The following FNIP1 variants were observed in gnomAD, a reference collection of about 807,000 sequenced individuals.
FNIP1 encodes the protein folliculin interacting protein 1.
FNIP1 carries 40 observed loss-of-function variants against 124.5 expected under a neutral mutation model. The observed-to-expected ratio is 0.32, with a 90% confidence interval of 0.25 to 0.42. The LOEUF is 0.42. Among genes scored for constraint, FNIP1 ranks in the 10% least tolerant of loss-of-function variants. The pLI, the probability that FNIP1 is intolerant of heterozygous loss-of-function variation, is 1.00. For synonymous variants in FNIP1, 472 were observed against 470.6 expected (o/e 1.00, Z -0.04); for missense variants, 1,176 against 1,403.7 (o/e 0.84, Z 2.59).
Position 131,699,150 on chromosome 5 carries a change from T to C in FNIP1, c.1117-148A>G, listed in dbSNP as rs1768804579. On this transcript the variant is annotated intron_variant, in intron 10 of 17. Transcript: ENST00000510461. ...GAAATAAAGAAAGTAAATGCATTTA[T>C]TGTGGCTTTTTCTTCTACACATTTG... 7.4e-6 allele frequency: 4 copies of C among 538,094 alleles called. No individual in the cohort carries two copies. The East Asian group carries it at 1.4e-4, about 19-fold the overall frequency. 33.3% of individuals were successfully genotyped at this position (538,094 alleles called of 1,614,324 possible).
chr5:131,777,013 C>T (rs1771831981), intron 1 of FNIP1, among the ~76,000 whole-genome samples: 1 of 152,052 alleles, frequency 6.6e-6, no homozygotes, highest in South Asian at 2.1e-4. Flanking sequence ...GGGAGGATCG[C>T]TTGAGCTGAG....
chr5:131,698,800 C>T, intron 11 of FNIP1, 117 bp downstream of exon 11: 1 of 765,186 alleles, frequency 1.3e-6, no homozygotes, highest in Non-Finnish European at 2.0e-6. Flanking sequence ...CTGAATTACA[C>T]CATCATATGA....
chr5:131,740,020 A>G (rs1349239304), intron 2 of FNIP1, among the ~76,000 whole-genome samples: 2 of 152,124 alleles, frequency 1.3e-5, no homozygotes, highest in Non-Finnish European at 2.9e-5. Context: ...AATAAGGATA[A>G]CATTGTTTCT....
intron 2 of FNIP1, among the ~76,000 whole-genome samples, chr5:131,741,299 T>A (rs1427110939): frequency 6.6e-6 from 1 of 152,044 alleles, no homozygotes; most frequent in Non-Finnish European, 1.5e-5. Context: ...ATATAACAGA[T>A]CTGAAAAAAT....
At chr5:131,664,590 G>A (rs929242838) in intron 15 of FNIP1, among the ~76,000 whole-genome samples, 4 of 142,692 alleles carry the variant, frequency 2.8e-5, no homozygotes, top group Admixed American at 7.3e-5. Flanking sequence ...AGCCATGTTC[G>A]TGCCACTGCA....
chr5:131,762,367 C>G (rs1224721913), intron 1 of FNIP1, among the ~76,000 whole-genome samples: 3 of 152,072 alleles, frequency 2.0e-5, no homozygotes, highest in African/African-American at 4.8e-5. Flanking sequence ...GGATTAACAA[C>G]CAGAATGTAT....
Position 131,789,866 on chromosome 5 carries a change from A to G in FNIP1, c.92+6964T>C, listed in dbSNP as rs1049988695. On this transcript the variant is annotated intron_variant, in intron 1 of 17. Coordinates refer to ENST00000510461, the MANE Select transcript of FNIP1 (RefSeq NM_133372.3). ...AGCCCTCCGTCCTTTCCACTTCTCT[A>G]TCTACACCCTTTTCCTAGATGATCT... Among the ~76,000 whole-genome samples, 9 of 152,304 alleles carry G rather than the reference A, an allele frequency of 5.9e-5. No homozygotes were observed. In the East Asian group the frequency reaches 1.2e-3, roughly 20 times the overall value.
chr5:131,686,218 C>T (rs1389338263), intron 11 of FNIP1, among the ~76,000 whole-genome samples: 1 of 152,202 alleles, frequency 6.6e-6, no homozygotes, highest in Non-Finnish European at 1.5e-5. Flanking sequence ...TACAAAACTG[C>T]TCTCAAATGC....
At chr5:131,724,926 C>T (rs548079654) in intron 3 of FNIP1, among the ~76,000 whole-genome samples, 2 of 152,260 alleles carry the variant, frequency 1.3e-5, no homozygotes, top group South Asian at 4.1e-4. Flanking sequence ...TATGGCTAGC[C>T]AGTTTTCCCA....
chr5:131,769,638 G>A (rs1771559305), intron 1 of FNIP1, among the ~76,000 whole-genome samples: 1 of 152,162 alleles, frequency 6.6e-6, no homozygotes, highest in South Asian at 2.1e-4. Context: ...AATGCAAAAA[G>A]GCTTAATCCC....
At chr5:131,736,528 A>C (rs1770310796) in intron 2 of FNIP1, among the ~76,000 whole-genome samples, 1 of 152,222 alleles carries the variant, frequency 6.6e-6, no homozygotes, top group African/African-American at 2.4e-5. Context: ...GCCTGTTAGG[A>C]ACCAGGCCAC....
intron 1 of FNIP1, among the ~76,000 whole-genome samples, chr5:131,791,038 T>TG (rs1772391441): frequency 6.6e-6 from 1 of 151,822 alleles, no homozygotes; most frequent in East Asian, 1.9e-4. Flanking sequence ...TTGACAGGAG[T>TG]GGATTAAAAC....
rs182201678 is a variant in FNIP1 at position 131,728,249 on chromosome 5, G to A, written c.354+2655C>T. ...GTCTTGCTATGTTGGGAAAGTTCTC[G>A]TGGATAATATCCTTAAGAGTGTTTT... On this transcript the variant is annotated intron_variant, in intron 3 of 17. Transcript: ENST00000510461. Among the ~76,000 whole-genome samples the A allele has an allele frequency of 1.1e-4, 17 of 152,162 alleles. No individual in the cohort carries two copies. In the East Asian group the frequency reaches 2.3e-3, roughly 21 times the overall value.
chr5:131,721,615 G>A (rs573509948), intron 3 of FNIP1, among the ~76,000 whole-genome samples: 3 of 152,230 alleles, frequency 2.0e-5, no homozygotes, highest in South Asian at 4.1e-4. Context: ...TGGCCAACAT[G>A]GTGAAACCCC....
At chr5:131,764,593 C>T (rs1395781789) in intron 1 of FNIP1, among the ~76,000 whole-genome samples, 1 of 152,090 alleles carries the variant, frequency 6.6e-6, no homozygotes, top group Non-Finnish European at 1.5e-5. Context: ...TGTCAGGCCT[C>T]CATACCTGGT....
chr5:131,672,439 T>C lies in FNIP1; in HGVS notation c.2005A>G (p.Lys669Glu), dbSNP rs200359485. The change falls in exon 14 of 18, where the codon AAA (lysine) becomes GAA (glutamate). Residue 669 changes from lysine to glutamate, a missense_variant. Coordinates refer to ENST00000510461, the MANE Select transcript of FNIP1 (RefSeq NM_133372.3). The stretch of plus-strand genomic sequence containing the variant: ...TTGGCGTCAAAGCAAGTTCTTAATT[T>C]ATCTCTGTACTGTTTAACATCAACA... Reference protein sequence around the residue: ...NAVDVKQYRDKLRTCFDAKLE... With the variant: ...NAVDVKQYRDELRTCFDAKLE... 39 of 1,613,718 alleles carry C rather than the reference T, an allele frequency of 2.4e-5. No individual in the cohort carries two copies. The Admixed American group carries it at 5.0e-4, about 21-fold the overall frequency.
At chr5:131,669,303 T>C (rs1289456753) in intron 15 of FNIP1, among the ~76,000 whole-genome samples, 2 of 152,178 alleles carry the variant, frequency 1.3e-5, no homozygotes. Flanking sequence ...ACTAATCTTC[T>C]GGAAACTCTT....
At position 131,655,180 on chromosome 5, in the gene FNIP1, A is replaced by G. The variant is rs1767155236; in HGVS notation, c.3109-3181T>C. 2.0e-5 allele frequency among the ~76,000 whole-genome samples: 3 copies of G among 152,198 alleles called. No individual in the cohort carries two copies. In the South Asian group the frequency reaches 6.2e-4, roughly 32 times the overall value. On this transcript the variant is annotated intron_variant, in intron 15 of 17. Transcript: ENST00000510461. ...ACCGTGTAGCCTAGAAATACGGAAA[A>G]TAAGAAAAGTTAGGCATGTCATGAA...
chr5:131,660,715 G>A lies in FNIP1; in HGVS notation c.3109-8716C>T, dbSNP rs1002273301. ...ACTACAATACCATAGTCTTTATGCA[G>A]TGGGCAGGAAGAACCCCTGGGCAGT... is the stretch of plus-strand genomic sequence containing the variant. On this transcript the variant is annotated intron_variant, in intron 15 of 17. Transcript: ENST00000510461. Among the ~76,000 whole-genome samples the A allele has an allele frequency of 2.6e-5, 4 of 152,306 alleles. No homozygotes were observed. In the East Asian group the frequency reaches 7.7e-4, roughly 29 times the overall value.
Sources: allele counts gnomAD v4.1 joint callset (sites outside exome capture counted in the v4.1 genomes callset), GRCh38; gene constraint gnomAD v4.1.1; transcripts MANE v1.5; gene names NCBI Gene and HGNC (gene_info 2026-07-23, HGNC 2026-07-21).